The following ARMC2 variants were observed in gnomAD, a reference collection of about 807,000 sequenced individuals.
ARMC2 encodes armadillo repeat-containing protein 2.
In ARMC2, 67 loss-of-function variants were observed where a neutral mutation model predicts 90.3. The ratio of observed to expected loss-of-function variants is 0.74; its 90% CI spans 0.61 to 0.91. ARMC2 has a LOEUF of 0.91. Ranked by LOEUF, ARMC2 falls within the 40% of genes least tolerant of loss-of-function variation. The pLI is 0.00. For synonymous variants in ARMC2, 393 were observed against 393.0 expected (o/e 1.00, Z 0.00); for missense variants, 920 against 1,030.9 (o/e 0.89, Z 1.47).
Position 108,973,741 on chromosome 6 carries a change from G to T in ARMC2, c.*227G>T. ...TTTCCTGTTGAGAGAAATGTAAGAT[G>T]AAAATATGTGCATTTTCAAGTAAAT... On this transcript the variant is annotated 3_prime_UTR_variant, in exon 18 of 18. Coordinates refer to ENST00000392644, the MANE Select transcript of ARMC2 (RefSeq NM_032131.6). 2.6e-6 allele frequency: 1 copy of T among 377,512 alleles called. No individual in the cohort carries two copies. The highest frequency in any genetic ancestry group is 4.7e-6 in the Non-Finnish European group (1 of 211,970). The allele number at this position is 377,512 out of a possible 1,614,324, so 23.4% of individuals were successfully genotyped here.
the ARMC2 span, among the ~76,000 whole-genome samples, chr6:109,032,060 G>A: frequency 6.6e-6 from 1 of 152,020 alleles, no homozygotes; most frequent in Non-Finnish European, 1.5e-5. Context: ...ACCTGAGGTC[G>A]AGAGTTTGAG....
chr6:108,953,202 A>C lies in ARMC2; in HGVS notation c.1766A>C (p.Glu589Ala). Residue 589 changes from glutamate to alanine, a missense_variant, in exon 13 of 18, where the codon GAG becomes GCG. By Grantham distance (107) the Glu-to-Ala change is moderately radical. Transcript: ENST00000392644. ...HSQKPVGQRG[E>A]QHRAQRPPSE... ...CAGAAGCCGGTGGGCCAACGAGGCG[A>C]GCAGCACAGGGCGCAGAGGCCGCCG... 1 of 1,614,026 alleles carries C rather than the reference A, an allele frequency of 6.2e-7. No homozygotes were observed. Among genetic ancestry groups the C allele is most frequent in the African/African-American group, 1.3e-5 (1 of 75,068 alleles).
intron 5 of ARMC2, among the ~76,000 whole-genome samples, chr6:108,878,313 G>A (rs1258860601): frequency 2.0e-5 from 3 of 152,112 alleles, no homozygotes; most frequent in African/African-American, 7.2e-5. Flanking sequence ...CCATAAAGTG[G>A]CAATTGTCAG....
chr6:109,034,750 G>C, the ARMC2 span, among the ~76,000 whole-genome samples: 3 of 152,204 alleles, frequency 2.0e-5, no homozygotes, highest in African/African-American at 7.2e-5. Flanking sequence ...TTCTTCGTCT[G>C]TCTGAAATGT....
chr6:108,864,227 G>A (rs1775570749), intron 3 of ARMC2, among the ~76,000 whole-genome samples: 2 of 150,264 alleles, frequency 1.3e-5, no homozygotes, highest in South Asian at 4.2e-4. Context: ...CAAAGGTTCT[G>A]TGCTTGTGTG....
At chr6:108,947,146 G>C (rs892879592) in intron 12 of ARMC2, among the ~76,000 whole-genome samples, 2 of 152,180 alleles carry the variant, frequency 1.3e-5, no homozygotes, top group Non-Finnish European at 2.9e-5. Context: ...AGGTCGGCAT[G>C]GGCAGGAGGG....
chr6:108,984,528 A>C, the ARMC2 span, among the ~76,000 whole-genome samples: 1 of 152,242 alleles, frequency 6.6e-6, no homozygotes, highest in East Asian at 1.9e-4. Flanking sequence ...CCAAAGGCCT[A>C]CTTTTTTAAT....
rs1214285725 is a variant in ARMC2 at position 108,858,262 on chromosome 6, A to C, written c.282A>C (p.Pro94=). ...CTATCTCTGGCACACGTCTTAGTCC[A>C]CTAGAGCTGGTGAGTACTTTGTATA... ...SRPISGTRLS[P]LELKPKVPAS... The change falls in exon 3 of 18, where the codon CCA becomes CCC. Residue 94 remains proline, a synonymous_variant. Coordinates refer to ENST00000392644, the MANE Select transcript of ARMC2 (RefSeq NM_032131.6). 2 of 1,607,600 alleles carry C rather than the reference A, an allele frequency of 1.2e-6. No homozygotes were observed. Among genetic ancestry groups the C allele is most frequent in the African/African-American group, 2.7e-5 (2 of 74,814 alleles).
At chr6:108,888,085 C>T (rs1447351131) in intron 5 of ARMC2, among the ~76,000 whole-genome samples, 1 of 152,178 alleles carries the variant, frequency 6.6e-6, no homozygotes, top group African/African-American at 2.4e-5. Flanking sequence ...AGCCATACTA[C>T]CTTTGGCTGA....
chr6:108,949,115 G>A (rs747609975), intron 12 of ARMC2, among the ~76,000 whole-genome samples: 1 of 152,164 alleles, frequency 6.6e-6, no homozygotes, highest in Non-Finnish European at 1.5e-5. Flanking sequence ...GGTACAAAAT[G>A]CAAATATTAA....
chr6:108,953,086 C>T lies in ARMC2; in HGVS notation c.1650C>T (p.Asn550=). The T allele has an allele frequency of 6.2e-7, 1 of 1,613,658 alleles. No individual in the cohort carries two copies. Among genetic ancestry groups the T allele is most frequent in the South Asian group, 1.1e-5 (1 of 91,016 alleles). The change falls in exon 13 of 18, where the codon AAC becomes AAT. Residue 550 remains asparagine (N), a synonymous_variant. Transcript: ENST00000392644. ...TTGGCAACCTGACGGCAAAAAATAA[C>T]CAGGCTCGTGAACAATTTTCCAAAG... is the stretch of plus-strand genomic sequence containing the variant. ...FILGNLTAKN[N]QAREQFSKEK...
intron 17 of ARMC2, among the ~76,000 whole-genome samples, chr6:108,973,042 G>A (rs1183245559): frequency 6.6e-6 from 1 of 152,096 alleles, no homozygotes; most frequent in Non-Finnish European, 1.5e-5. Context: ...TAATGGGCTT[G>A]GCGAGGTAGC....
chr6:108,930,672 C>A (rs899646941), intron 11 of ARMC2, among the ~76,000 whole-genome samples: 2 of 144,760 alleles, frequency 1.4e-5, no homozygotes, highest in African/African-American at 5.2e-5. Flanking sequence ...TCTCGGCTCA[C>A]TGCAAGCTTC....
At chr6:109,017,452 A>T in the ARMC2 span, among the ~76,000 whole-genome samples, 1 of 151,840 alleles carries the variant, frequency 6.6e-6, no homozygotes, top group Non-Finnish European at 1.5e-5. Context: ...CACCCAGCTA[A>T]TTTTTTGTAT....
At chr6:109,034,231 G>A in the ARMC2 span, among the ~76,000 whole-genome samples, 5 of 151,998 alleles carry the variant, frequency 3.3e-5, no homozygotes, top group African/African-American at 9.7e-5. Context: ...TTTGTGTTTT[G>A]GACTTGAATA....
chr6:108,858,533 C>T (rs1292698534), intron 3 of ARMC2, among the ~76,000 whole-genome samples: 2 of 151,388 alleles, frequency 1.3e-5, no homozygotes, highest in Non-Finnish European at 2.9e-5. Context: ...AGCAATATTT[C>T]ACAATATTTT....
the ARMC2 span, among the ~76,000 whole-genome samples, chr6:109,016,240 A>C: frequency 1.3e-5 from 2 of 152,196 alleles, no homozygotes; most frequent in Non-Finnish European, 2.9e-5. Flanking sequence ...CAATATTCTA[A>C]AGTTTTAAAA....
intron 5 of ARMC2, among the ~76,000 whole-genome samples, chr6:108,884,714 A>G (rs1398879216): frequency 6.6e-6 from 1 of 152,058 alleles, no homozygotes; most frequent in Non-Finnish European, 1.5e-5. Context: ...CTTCAATGCT[A>G]CTCCCAGGTA....
At chr6:109,033,786 A>G in the ARMC2 span, among the ~76,000 whole-genome samples, 1 of 152,234 alleles carries the variant, frequency 6.6e-6, no homozygotes, top group South Asian at 2.1e-4. Flanking sequence ...CCATCTGGAC[A>G]GAAGAAATAT....
Sources: gnomAD v4.1 joint callset for allele counts (sites outside exome capture counted in the v4.1 genomes callset) on GRCh38, gnomAD v4.1.1 for gene constraint, MANE v1.5 for transcripts, NCBI Gene and HGNC (gene_info 2026-07-23, HGNC 2026-07-21) for gene names.